The following SLC8A3 variants were observed in gnomAD, a reference collection of about 807,000 sequenced individuals.
SLC8A3 encodes the protein sodium/calcium exchanger 3.
A neutral mutation model predicts 65.4 loss-of-function variants in SLC8A3; 37 were observed. The ratio of observed to expected loss-of-function variants is 0.57; its 90% CI spans 0.44 to 0.74. SLC8A3 has a LOEUF of 0.74. Ranked by LOEUF, SLC8A3 falls within the 30% of genes least tolerant of loss-of-function variation. The pLI, the probability that SLC8A3 is intolerant of heterozygous loss-of-function variation, is 0.00. For missense variants in SLC8A3, 1,112 were observed against 1,172.1 expected, an observed-to-expected ratio of 0.95 and a Z score of 0.75; for synonymous variants, 461 against 444.5, an observed-to-expected ratio of 1.04 and a Z score of -0.47.
chr14:70,113,156 G>A (rs918421932), intron 2 of SLC8A3, among the ~76,000 whole-genome samples: 2 of 148,428 alleles, frequency 1.3e-5, no homozygotes, highest in Admixed American at 1.4e-4. Flanking sequence ...TACATTCTGA[G>A]AAATTTGTCA....
intron 2 of SLC8A3, among the ~76,000 whole-genome samples, chr14:70,134,772 C>T (rs1445058375): frequency 1.3e-5 from 2 of 152,166 alleles, no homozygotes; most frequent in Non-Finnish European, 1.5e-5. Context: ...CATCTACCTG[C>T]GTAAGACACT....
intron 3 of SLC8A3, chr14:70,055,701 G>C (rs543567986): frequency 9.7e-7 from 1 of 1,032,052 alleles, no homozygotes; most frequent in South Asian, 1.7e-5. Flanking sequence ...TGAGCCTGCA[G>C]TTCTTATTCA....
intron 2 of SLC8A3, among the ~76,000 whole-genome samples, chr14:70,153,771 G>A (rs1896415778): frequency 6.6e-6 from 1 of 152,138 alleles, no homozygotes; most frequent in Non-Finnish European, 1.5e-5. Flanking sequence ...GCTCTCCTGG[G>A]GCTGCAGCTG....
chr14:70,141,668 G>A (rs1206548844), intron 2 of SLC8A3, among the ~76,000 whole-genome samples: 1 of 152,178 alleles, frequency 6.6e-6, no homozygotes, highest in Non-Finnish European at 1.5e-5. Context: ...AACAAAACAA[G>A]CTCCCCTCAG....
intron 3 of SLC8A3, among the ~76,000 whole-genome samples, chr14:70,056,382 C>T (rs987324384): frequency 6.6e-6 from 1 of 152,174 alleles, no homozygotes; most frequent in Admixed American, 6.5e-5. Context: ...TCTCAGTGCT[C>T]ATAAGGTTTC....
At chr14:70,119,169 T>A (rs115097409) in intron 2 of SLC8A3, among the ~76,000 whole-genome samples, 1 of 105,314 alleles carries the variant, frequency 9.5e-6, no homozygotes, top group Non-Finnish European at 1.9e-5. Context: ...AAACCAGCAT[T>A]TGGGGCAAAG....
At chr14:70,144,071 C>T (rs887108024) in intron 2 of SLC8A3, among the ~76,000 whole-genome samples, 27 of 152,030 alleles carry the variant, frequency 1.8e-4, no homozygotes, top group African/African-American at 5.6e-4. Flanking sequence ...TTGTGAGCTA[C>T]GTGAGGACTG....
At chr14:70,159,410 C>CAAAAAAAAA (rs5809471) in intron 2 of SLC8A3, among the ~76,000 whole-genome samples, 7 of 133,684 alleles carry the variant, frequency 5.2e-5, no homozygotes, top group African/African-American at 1.4e-4. Flanking sequence ...AAGACTCTGT[C>CAAAAAAAAA]AAAAAAAAAA....
intron 2 of SLC8A3, among the ~76,000 whole-genome samples, chr14:70,108,342 G>C (rs11623556): frequency 0.28 from 42,496 of 150,208 alleles, 6,710 homozygotes; most frequent in East Asian, 0.5. Flanking sequence ...GGAGGTTGCA[G>C]TGAGCTGAGA....
Position 70,167,256 on chromosome 14 carries a change from A to C in SLC8A3, c.1167T>G (p.Asp389Glu). ...CCTTGGAAATAAAGTCCTCAGGCTC[A>C]TCGGTGTGCACCTCGCTCATGCTGG... Reference protein sequence around the residue: ...KASSMSEVHTDEPEDFISKVF... With the variant: ...KASSMSEVHTEEPEDFISKVF... Residue 389 changes from aspartate to glutamate, a missense_variant, in exon 2 of 7, where the codon GAT becomes GAG. Asp to Glu is a conservative substitution (Grantham distance 45). Coordinates refer to ENST00000356921, the MANE Select transcript of SLC8A3 (RefSeq NM_182932.3). The C allele has an allele frequency of 6.2e-7, 1 of 1,614,236 alleles. No individual in the cohort carries two copies. Among genetic ancestry groups the C allele is most frequent in the Non-Finnish European group, 8.5e-7 (1 of 1,180,042 alleles).
chr14:70,170,198 C>T (rs888724379), intron 1 of SLC8A3, among the ~76,000 whole-genome samples: 2 of 152,132 alleles, frequency 1.3e-5, no homozygotes, highest in African/African-American at 2.4e-5. Context: ...AAATTCTTTC[C>T]CATGACCTTC....
intron 2 of SLC8A3, among the ~76,000 whole-genome samples, chr14:70,148,685 C>T (rs1183656157): frequency 1.3e-5 from 2 of 152,006 alleles, no homozygotes; most frequent in East Asian, 1.9e-4. Flanking sequence ...CATAAAATTG[C>T]CGATATTATT....
In SLC8A3 at chr14:70,075,167, G is replaced by A. The variant is rs1449159451; in HGVS notation, c.1785-14228C>T. On this transcript the variant is annotated intron_variant, in intron 2 of 6. Transcript: ENST00000356921. ...CGCATGTGTGTGCGTGCGTGTGTGC[G>A]TGTGTGTTTAATATAACTAGGGCTT... is the stretch of plus-strand genomic sequence containing the variant. 7.2e-5 allele frequency among the ~76,000 whole-genome samples: 11 copies of A among 152,194 alleles called. 1 individual carries two copies. In the East Asian group the frequency reaches 1.5e-3, roughly 21 times the overall value.
chr14:70,121,477 A>G (rs1168251356), intron 2 of SLC8A3, among the ~76,000 whole-genome samples: 1 of 152,234 alleles, frequency 6.6e-6, no homozygotes, highest in East Asian at 1.9e-4. Context: ...CAGCTTTGAC[A>G]TGTGGTTGCT....
intron 1 of SLC8A3, among the ~76,000 whole-genome samples, chr14:70,169,264 G>A (rs1313523041): frequency 6.6e-6 from 1 of 152,118 alleles, no homozygotes; most frequent in African/African-American, 2.4e-5. Flanking sequence ...TTGATAAATG[G>A]TGAATGCCAC....
intron 3 of SLC8A3, chr14:70,055,646 G>A (rs1888022602): frequency 1.6e-6 from 1 of 620,218 alleles, no homozygotes. Context: ...TCTTCATGTG[G>A]GAAAATAAAT....
chr14:70,115,382 T>C (rs1893587801), intron 2 of SLC8A3, among the ~76,000 whole-genome samples: 1 of 152,234 alleles, frequency 6.6e-6, no homozygotes, highest in African/African-American at 2.4e-5. Context: ...TTTTCATTAC[T>C]GGCTACTTGT....
rs1365167878 is a variant in SLC8A3, at chr14:70,046,161, G to A, written c.2552C>T (p.Ser851Leu). 7 of 1,614,186 alleles carry A rather than the reference G, an allele frequency of 4.3e-6. No individual in the cohort carries two copies. The highest frequency in any genetic ancestry group is 5.1e-6 in the Non-Finnish European group (6 of 1,180,028). The part of the protein sequence containing the change: ...WALQGQEFHV[S>L]AGTLAFSVTL... ...GACGGAGAAGGCCAGTGTGCCGGCC[G>A]ACACGTGGAACTCCTGTCCCTGCAG... is the stretch of plus-strand genomic sequence containing the variant. The change falls in exon 7 of 7, where the codon TCG becomes TTG. Residue 851 changes from serine to leucine, a missense_variant. Transcript: ENST00000356921. This position sits in a 1 kb window ranked among gnomAD's most constrained non-coding sequence, Gnocchi z 4.2.
chr14:70,187,812 C>T (rs1883452357), intron 1 of SLC8A3, among the ~76,000 whole-genome samples: 1 of 152,108 alleles, frequency 6.6e-6, no homozygotes, highest in Non-Finnish European at 1.5e-5. Flanking sequence ...GGGGCTGCAG[C>T]TCCCGACCCG....
Sources: allele counts gnomAD v4.1 joint callset (sites outside exome capture counted in the v4.1 genomes callset), GRCh38; gene constraint gnomAD v4.1.1; non-coding constraint Gnocchi (gnomAD v3.1); transcripts MANE v1.5; gene names NCBI Gene and HGNC (gene_info 2026-07-23, HGNC 2026-07-21).